GDAP2: variants seen among roughly 807,000 people sequenced by gnomAD.
GDAP2 encodes ganglioside induced differentiation associated protein 2, also known as ganglioside-induced differentiation-associated protein 2.
Under a neutral mutation model 67.0 loss-of-function variants are expected in GDAP2, and 51 were observed. That is an observed-to-expected ratio of 0.76 (90% confidence interval 0.61 to 0.96). GDAP2 has a LOEUF of 0.96. Among genes scored for constraint, GDAP2 ranks in the 40% least tolerant of loss-of-function variants. The probability of loss-of-function intolerance (pLI) is 0.00; values close to 1 mark genes in which losing one functional copy is unlikely to be tolerated. For missense variants in GDAP2, 547 were observed against 588.3 expected, an observed-to-expected ratio of 0.93 and a Z score of 0.73; for synonymous variants, 203 against 207.3, an observed-to-expected ratio of 0.98 and a Z score of 0.18.
rs570986990 is a variant in GDAP2 at position 117,910,465 on chromosome 1, A to C, written c.559+1529T>G. On this transcript the variant is annotated intron_variant, in intron 5 of 13. Transcript: ENST00000369443. The stretch of plus-strand genomic sequence containing the variant: ...ATTATAAAATATACAAATTTACTAT[A>C]AAATCCTTGAGCAGTTAGAATATTG... Among the ~76,000 whole-genome samples the C allele has an allele frequency of 2.0e-5, 3 of 152,308 alleles. No homozygotes were observed. In the South Asian group the frequency reaches 6.2e-4, roughly 32 times the overall value.
At chr1:117,897,077 G>A in intron 7 of GDAP2, 88 bp from the exon 8 acceptor site, 1 of 887,678 alleles carries the variant, frequency 1.1e-6, no homozygotes, top group Non-Finnish European at 1.7e-6. Flanking sequence ...ATGACAGTGA[G>A]GTAACTCAAA....
chr1:117,926,213 G>A (rs564221806), intron 1 of GDAP2, among the ~76,000 whole-genome samples: 108 of 152,220 alleles, frequency 7.1e-4, no homozygotes, highest in African/African-American at 2.3e-3. Context: ...ACAGCTATAC[G>A]AAAACTACTC....
intron 5 of GDAP2, among the ~76,000 whole-genome samples, chr1:117,910,183 C>G (rs1287182680): frequency 6.6e-6 from 1 of 151,944 alleles, no homozygotes; most frequent in Non-Finnish European, 1.5e-5. Flanking sequence ...GGTTACTAGA[C>G]CTGGGAGTCA....
intron 8 of GDAP2, among the ~76,000 whole-genome samples, chr1:117,888,053 A>G (rs1648931091): frequency 6.6e-6 from 1 of 152,198 alleles, no homozygotes; most frequent in South Asian, 2.1e-4. Flanking sequence ...TAAGATACCA[A>G]GTATTCAAAC....
At chr1:117,898,786 A>G (rs894477230) in intron 7 of GDAP2, among the ~76,000 whole-genome samples, 1 of 152,248 alleles carries the variant, frequency 6.6e-6, no homozygotes, top group Non-Finnish European at 1.5e-5. Flanking sequence ...AGTGTTCTGC[A>G]TGAAACTATA....
intron 1 of GDAP2, 38 bp from the exon 2 acceptor site, chr1:117,920,462 C>T (rs1406674332): frequency 3.6e-5 from 24 of 662,974 alleles, no homozygotes; most frequent in Admixed American, 9.2e-5. Flanking sequence ...AATAGAGAAG[C>T]ACAGATATTA....
In GDAP2 at chr1:117,925,910, C is replaced by T. The variant is rs541232645; in HGVS notation, c.-68+3538G>A. ...TGACGATTTGAGGGTATATTCCACA[C>T]GTTTAAGCCCACCAAATCACTTTAA... On this transcript the variant is annotated intron_variant, in intron 1 of 13. Transcript: ENST00000369443. Among the ~76,000 whole-genome samples, 298 of 152,296 alleles carry T rather than the reference C, an allele frequency of 2.0e-3. 2 individuals carry two copies. The highest frequency in any genetic ancestry group is 1.9e-3 in the Non-Finnish European group (130 of 68,024).
At chr1:117,882,913 A>T (rs1318588704) in intron 11 of GDAP2, 1 of 152,208 alleles carries the variant, frequency 6.6e-6, no homozygotes, top group Non-Finnish European at 1.5e-5. Context: ...AGAAAAAAAA[A>T]TAAGAAAAAA....
At chr1:117,883,247 A>AT in intron 11 of GDAP2, 1 of 389,144 alleles carries the variant, frequency 2.6e-6, no homozygotes, top group Non-Finnish European at 4.7e-6. Flanking sequence ...AGAAGGTAGT[A>AT]TTTTTGTTAT....
Position 117,864,124 on chromosome 1 carries a change from T to C in GDAP2, c.*6445A>G, listed in dbSNP as rs1647985921. 6.6e-6 allele frequency: 1 copy of C among 152,232 alleles called. No homozygotes were observed. Among genetic ancestry groups the C allele is most frequent in the Non-Finnish European group, 1.5e-5 (1 of 68,034 alleles). 9.4% of individuals were successfully genotyped at this position (152,232 alleles called of 1,614,324 possible). A position where few individuals can be genotyped will look rare whatever the true frequency, so the allele number is the denominator to read the frequency against. ...TGTGTTGGGTGTAGGAAAGTGCCCA[T>C]GAACTTACTATGAGAATTATGCATT... is the stretch of plus-strand genomic sequence containing the variant. On this transcript the variant is annotated 3_prime_UTR_variant, in exon 14 of 14. Coordinates refer to ENST00000369443, the MANE Select transcript of GDAP2 (RefSeq NM_017686.4).
At chr1:117,925,905 C>T (rs184823266) in intron 1 of GDAP2, among the ~76,000 whole-genome samples, 163 of 152,294 alleles carry the variant, frequency 1.1e-3, no homozygotes, top group Admixed American at 2.6e-3. Context: ...AGGGTATATT[C>T]CACACGTTTA....
At position 117,865,416 on chromosome 1, in the gene GDAP2, T is replaced by C. The variant is rs1648022626; in HGVS notation, c.*5153A>G. 6.6e-6 allele frequency: 1 copy of C among 152,222 alleles called. No individual in the cohort carries two copies. The highest frequency in any genetic ancestry group is 1.5e-5 in the Non-Finnish European group (1 of 68,038). 9.4% of individuals were successfully genotyped at this position (152,222 alleles called of 1,614,324 possible). ...AAAGTTTTCATAAAAGCTTTCTGAA[T>C]TTTCAGTAAGCAAATTGTAAGATCT... On this transcript the variant is annotated 3_prime_UTR_variant, in exon 14 of 14. Transcript: ENST00000369443.
chr1:117,895,711 T>A (rs1649239570), intron 8 of GDAP2, among the ~76,000 whole-genome samples: 1 of 152,192 alleles, frequency 6.6e-6, no homozygotes, highest in Admixed American at 6.5e-5. Context: ...TGGTGCCCCC[T>A]AGTGGCTCAT....
At chr1:117,874,537 G>A (rs1648391366) in intron 13 of GDAP2, among the ~76,000 whole-genome samples, 1 of 152,078 alleles carries the variant, frequency 6.6e-6, no homozygotes, top group Non-Finnish European at 1.5e-5. Context: ...CCAGCCTCAG[G>A]TATTCCTTTA....
Position 117,878,033 on chromosome 1 carries a change from A to T in GDAP2, c.1422T>A (p.Pro474=). The T allele has an allele frequency of 6.2e-7, 1 of 1,612,946 alleles. No individual in the cohort carries two copies. Among genetic ancestry groups the T allele is most frequent in the South Asian group, 1.1e-5 (1 of 91,024 alleles). The part of the protein sequence containing the change: ...AISPEQIDFP[P]FVLEYDAREN... ...CCCTGGCATCATATTCAAGGACAAA[A>T]GGAGGAAAGTCAATCTGTTCTGGTG... Residue 474 remains proline, a synonymous_variant, in exon 13 of 14, where the codon CCT becomes CCA. Coordinates refer to ENST00000369443, the MANE Select transcript of GDAP2 (RefSeq NM_017686.4).
At chr1:117,876,160 G>C (rs778877729) in intron 13 of GDAP2, among the ~76,000 whole-genome samples, 8 of 152,084 alleles carry the variant, frequency 5.3e-5, no homozygotes, top group Non-Finnish European at 7.4e-5. Context: ...TTGAGTCATG[G>C]GGTGGGGCAG....
intron 2 of GDAP2, 80 bp downstream of exon 2, chr1:117,920,102 G>C: frequency 1.3e-6 from 1 of 793,456 alleles, no homozygotes; most frequent in Non-Finnish European, 2.1e-6. Context: ...TTTCAACAAT[G>C]CTAGGGCTTT....
intron 11 of GDAP2, among the ~76,000 whole-genome samples, chr1:117,882,591 G>C (rs1032858937): frequency 2.0e-5 from 3 of 152,100 alleles, no homozygotes; most frequent in Non-Finnish European, 2.9e-5. Flanking sequence ...GGACGTCAGA[G>C]AAATAGTACA....
At chr1:117,909,903 C>A (rs1175528161) in intron 5 of GDAP2, among the ~76,000 whole-genome samples, 1 of 152,002 alleles carries the variant, frequency 6.6e-6, no homozygotes, top group Non-Finnish European at 1.5e-5. Flanking sequence ...ACCTTTTCTA[C>A]AAAATAATGC....
Sources: allele counts gnomAD v4.1 joint callset (sites outside exome capture counted in the v4.1 genomes callset), GRCh38; gene constraint gnomAD v4.1.1; transcripts MANE v1.5; gene names NCBI Gene and HGNC (gene_info 2026-07-23, HGNC 2026-07-21).